Variants in GRID1 observed in about 807,000 individuals in gnomAD.
GRID1 encodes glutamate receptor ionotropic, delta-1.
Under a neutral mutation model 98.0 loss-of-function variants are expected in GRID1, and 28 were observed. The observed-to-expected ratio is 0.29, with a 90% CI of 0.21 to 0.39. The LOEUF is 0.39. Ranked by LOEUF, GRID1 falls within the 10% of genes least tolerant of loss-of-function variation. GRID1 has a pLI of 1.00. For synonymous variants in GRID1, 553 were observed against 538.5 expected (o/e 1.03, Z -0.37); for missense variants, 1,111 against 1,340.5 (o/e 0.83, Z 2.67).
chr10:86,264,879 G>T, intron 2 of GRID1: 1 of 416,964 alleles, frequency 2.4e-6, no homozygotes, highest in Non-Finnish European at 5.0e-6. Context: ...TTCACTCCTT[G>T]CTGACAAGAG....
chr10:85,635,733 G>A (rs1843031834), intron 13 of GRID1, among the ~76,000 whole-genome samples: 1 of 152,164 alleles, frequency 6.6e-6, no homozygotes, highest in Non-Finnish European at 1.5e-5. Context: ...ACTCTGGGAT[G>A]CACTGTGTGG....
chr10:85,853,058 TCC>T (rs1843075175), intron 8 of GRID1, among the ~76,000 whole-genome samples: 1 of 151,918 alleles, frequency 6.6e-6, no homozygotes, highest in Admixed American at 6.5e-5. Flanking sequence ...CCCCGCACCA[TCC>T]CCCACATCAC....
chr10:85,981,706 T>C (rs560625046), intron 4 of GRID1, among the ~76,000 whole-genome samples: 2 of 152,198 alleles, frequency 1.3e-5, no homozygotes, highest in South Asian at 4.2e-4. Flanking sequence ...GTTCAGTGGG[T>C]CGTTCATTCA....
chr10:85,879,884 T>C (rs1840976769), intron 5 of GRID1, among the ~76,000 whole-genome samples: 1 of 151,398 alleles, frequency 6.6e-6, no homozygotes, highest in African/African-American at 2.4e-5. Flanking sequence ...GCAAGACTAA[T>C]AAAGAAGAAA....
At chr10:85,732,350 A>G (rs1159637327) in intron 8 of GRID1, among the ~76,000 whole-genome samples, 1 of 152,230 alleles carries the variant, frequency 6.6e-6, no homozygotes, top group Non-Finnish European at 1.5e-5. Context: ...ATCCTGCACC[A>G]GGACCCAGAT....
chr10:85,773,173 A>G (rs913176031), intron 8 of GRID1, among the ~76,000 whole-genome samples: 13 of 152,124 alleles, frequency 8.5e-5, no homozygotes, highest in African/African-American at 2.4e-4. Flanking sequence ...TTCAATATAC[A>G]CAAATCAATA....
chr10:86,052,879 C>T (rs1214932772), intron 4 of GRID1, among the ~76,000 whole-genome samples: 1 of 152,222 alleles, frequency 6.6e-6, no homozygotes, highest in Non-Finnish European at 1.5e-5. Context: ...TAATTCAAAA[C>T]ATTTCAATAG....
intron 8 of GRID1, among the ~76,000 whole-genome samples, chr10:85,850,029 G>A (rs900400078): frequency 6.6e-6 from 1 of 152,182 alleles, no homozygotes; most frequent in African/African-American, 2.4e-5. Context: ...GCCACAGGCT[G>A]CCCAGATGCT....
At chr10:86,013,886 G>A (rs1312254187) in intron 4 of GRID1, among the ~76,000 whole-genome samples, 1 of 152,204 alleles carries the variant, frequency 6.6e-6, no homozygotes, top group East Asian at 1.9e-4. Context: ...TGGAAGCTCA[G>A]TGCTGTATGG....
At chr10:85,700,821 T>C (rs1841442381) in intron 12 of GRID1, among the ~76,000 whole-genome samples, 1 of 152,162 alleles carries the variant, frequency 6.6e-6, no homozygotes, top group South Asian at 2.1e-4. Context: ...TAGATTTCAG[T>C]TCTCTTGGAT....
At chr10:85,856,753 A>G (rs907993304) in intron 6 of GRID1, among the ~76,000 whole-genome samples, 22 of 152,242 alleles carry the variant, frequency 1.4e-4, no homozygotes, top group African/African-American at 4.8e-5. Flanking sequence ...TGCCATGTGC[A>G]ATAAAACATT....
chr10:85,718,281 C>T (rs1841662383), intron 12 of GRID1, among the ~76,000 whole-genome samples: 1 of 152,174 alleles, frequency 6.6e-6, no homozygotes, highest in Admixed American at 6.5e-5. Flanking sequence ...CAAACTTTTG[C>T]CTGGGCATCC....
At chr10:86,147,426 C>T (rs1252131075) in intron 3 of GRID1, among the ~76,000 whole-genome samples, 1 of 152,200 alleles carries the variant, frequency 6.6e-6, no homozygotes, top group Non-Finnish European at 1.5e-5. Context: ...GCATCACATA[C>T]TTGACTTCAA....
intron 4 of GRID1, among the ~76,000 whole-genome samples, chr10:86,040,129 T>C (rs1843325595): frequency 6.6e-6 from 1 of 152,168 alleles, no homozygotes; most frequent in African/African-American, 2.4e-5. Flanking sequence ...ATGGGAATCC[T>C]TATACACTGT....
chr10:86,359,988 T>C (rs1313715308), intron 2 of GRID1, among the ~76,000 whole-genome samples: 2 of 152,226 alleles, frequency 1.3e-5, no homozygotes, highest in Non-Finnish European at 2.9e-5. Flanking sequence ...TATTGTGTGA[T>C]CCATTGTTTT....
At chr10:86,196,583 G>A (rs1845876427) in intron 3 of GRID1, among the ~76,000 whole-genome samples, 1 of 152,108 alleles carries the variant, frequency 6.6e-6, no homozygotes, top group African/African-American at 2.4e-5. Flanking sequence ...ACACAAGCCA[G>A]GCTCACCCAC....
At chr10:86,080,435 A>G (rs1174891412) in intron 4 of GRID1, among the ~76,000 whole-genome samples, 1 of 12,966 alleles carries the variant, frequency 7.7e-5, no homozygotes, top group East Asian at 2.3e-3. Context: ...AGGGGAGGGG[A>G]GGGGAGGGGA....
chr10:85,842,937 C>T (rs553000684), intron 8 of GRID1, among the ~76,000 whole-genome samples: 3 of 151,650 alleles, frequency 2.0e-5, no homozygotes, highest in African/African-American at 7.2e-5. Context: ...AGTACAACAG[C>T]GAAAAAACAA....
At chr10:85,694,593 TATATATATAA>T (rs1336897990) in intron 12 of GRID1, among the ~76,000 whole-genome samples, 1 of 89,342 alleles carries the variant, frequency 1.1e-5, no homozygotes, top group Admixed American at 1.0e-4. Context: ...TATATATATA[TATATATATAA>T]TGGAATATTA....
Sources: gnomAD v4.1 joint callset for allele counts (sites outside exome capture counted in the v4.1 genomes callset) on GRCh38, gnomAD v4.1.1 for gene constraint, MANE v1.5 for transcripts, NCBI Gene and HGNC (gene_info 2026-07-23, HGNC 2026-07-21) for gene names.